The following TLE4 variants were observed in gnomAD, a reference collection of about 807,000 sequenced individuals.
The protein encoded by TLE4 is TLE family member 4, transcriptional corepressor.
TLE4 carries 8 observed loss-of-function variants against 92.8 expected under a neutral mutation model. The observed-to-expected ratio is 0.09, with a 90% CI of 0.05 to 0.16. The LOEUF (loss-of-function observed/expected upper bound fraction) is 0.16, where lower values mean the gene tolerates loss of function less well. Ranked by LOEUF, TLE4 falls within the 10% of genes least tolerant of loss-of-function variation. The pLI is 1.00. For synonymous variants in TLE4, 371 were observed against 374.1 expected, an observed-to-expected ratio of 0.99 and a Z score of 0.10; for missense variants, 675 against 997.6, an observed-to-expected ratio of 0.68 and a Z score of 4.36.
In TLE4 at chr9:79,652,607, C is replaced by T. The variant is rs1419393438; in HGVS notation, c.405C>T (p.Ala135=). 2 of 1,614,124 alleles carry T rather than the reference C, an allele frequency of 1.2e-6. No homozygotes were observed. The highest frequency in any genetic ancestry group is 2.7e-5 in the African/African-American group (2 of 75,032). The change falls in exon 7 of 20, where the codon GCC becomes GCT. Residue 135 remains alanine, a synonymous_variant. Coordinates refer to ENST00000376552, the MANE Select transcript of TLE4 (RefSeq NM_007005.6). ...LNAIIGQQLQ[A]QHLSHGHGLP... is the part of the protein sequence containing the mutation. ...TTTCACAGCAGCAACAACTCCAGGC[C>T]CAGCATTTATCACATGGACATGGTC...
intron 16 of TLE4, among the ~76,000 whole-genome samples, chr9:79,721,493 C>A (rs1189251683): frequency 6.6e-6 from 1 of 152,116 alleles, no homozygotes; most frequent in African/African-American, 2.4e-5. Flanking sequence ...TTAGTAATAT[C>A]AGTCATGTTT....
In TLE4 at chr9:79,725,165, T is replaced by C. The variant is rs1003161793; in HGVS notation, c.*21T>C. 1 of 1,564,708 alleles carries C rather than the reference T, an allele frequency of 6.4e-7. No homozygotes were observed. ...ATTAAAGACAAATCTTCATGCAGAC[T>C]GGACTTCTCCTCCTGGTAGCACTTT... On this transcript the variant is annotated 3_prime_UTR_variant, in exon 20 of 20. Transcript: ENST00000376552.
At chr9:79,595,407 G>A (rs1351724364) in intron 4 of TLE4, among the ~76,000 whole-genome samples, 1 of 152,128 alleles carries the variant, frequency 6.6e-6, no homozygotes, top group Non-Finnish European at 1.5e-5. Flanking sequence ...TCTTCATAGA[G>A]AATGTCTTTA....
chr9:79,577,903 A>G (rs762989377), intron 4 of TLE4, among the ~76,000 whole-genome samples: 1 of 152,128 alleles, frequency 6.6e-6, no homozygotes. Flanking sequence ...CACATTTTAT[A>G]CTGCTATAAT....
At chr9:79,628,216 T>G (rs867780716) in intron 6 of TLE4, among the ~76,000 whole-genome samples, 13 of 152,256 alleles carry the variant, frequency 8.5e-5, no homozygotes, top group South Asian at 2.1e-4. Context: ...GTACAAGCAG[T>G]TCCTTGGGTT....
intron 19 of TLE4, 60 bp downstream of exon 19, chr9:79,723,095 T>C (rs954734583): frequency 1.3e-6 from 2 of 1,494,320 alleles, no homozygotes; most frequent in African/African-American, 2.8e-5. Flanking sequence ...CTGTGCATTC[T>C]CTCAGATTAA....
At chr9:79,639,302 A>G (rs1177516462) in intron 6 of TLE4, among the ~76,000 whole-genome samples, 1 of 152,152 alleles carries the variant, frequency 6.6e-6, no homozygotes, top group African/African-American at 2.4e-5. Flanking sequence ...TTGCAGAGGA[A>G]CTATCTTAAC....
chr9:79,646,567 TAAAG>T (rs2058130332), intron 6 of TLE4, among the ~76,000 whole-genome samples: 1 of 152,194 alleles, frequency 6.6e-6, no homozygotes, highest in Non-Finnish European at 1.5e-5. Context: ...TACTTTTATT[TAAAG>T]AAGATGTTTT....
At chr9:79,642,597 A>G (rs1192678981) in intron 6 of TLE4, among the ~76,000 whole-genome samples, 1 of 152,134 alleles carries the variant, frequency 6.6e-6, no homozygotes, top group African/African-American at 2.4e-5. Context: ...CTTCTGGGAA[A>G]TTGTATTTCC....
At chr9:79,670,690 C>G (rs997391707) in intron 8 of TLE4, among the ~76,000 whole-genome samples, 1 of 152,166 alleles carries the variant, frequency 6.6e-6, no homozygotes, top group African/African-American at 2.4e-5. Flanking sequence ...GAACTCTAGA[C>G]AGCCAGTAGG....
intron 6 of TLE4, among the ~76,000 whole-genome samples, chr9:79,636,406 C>T (rs1206232761): frequency 6.6e-6 from 1 of 152,114 alleles, no homozygotes; most frequent in Non-Finnish European, 1.5e-5. Context: ...CATGAGCTGA[C>T]CCCTCTTTCA....
intron 9 of TLE4, 93 bp downstream of exon 9, chr9:79,704,995 C>T (rs2071113094): frequency 1.3e-6 from 2 of 1,536,306 alleles, no homozygotes; most frequent in East Asian, 2.2e-5. Context: ...AACACAGGAA[C>T]ACAGGATAAC....
intron 6 of TLE4, among the ~76,000 whole-genome samples, chr9:79,641,514 C>G (rs1463989879): frequency 6.6e-6 from 1 of 152,160 alleles, no homozygotes; most frequent in South Asian, 2.1e-4. Context: ...TTCCCCATTG[C>G]TCACTGGATT....
chr9:79,652,194 CT>C (rs1204125262), intron 6 of TLE4, among the ~76,000 whole-genome samples: 14 of 147,908 alleles, frequency 9.5e-5, no homozygotes, highest in African/African-American at 9.9e-5. Flanking sequence ...TTTTCTTTTT[CT>C]TTTTTTTTTG....
chr9:79,696,537 A>T (rs544773411), intron 8 of TLE4, among the ~76,000 whole-genome samples: 4 of 152,270 alleles, frequency 2.6e-5, no homozygotes, highest in African/African-American at 9.6e-5. Flanking sequence ...ACCCTCAGAC[A>T]TTGTATAGAG....
chr9:79,633,674 AC>A (rs2054926751), intron 6 of TLE4, among the ~76,000 whole-genome samples: 1 of 152,104 alleles, frequency 6.6e-6, no homozygotes, highest in African/African-American at 2.4e-5. Flanking sequence ...CCAGAGTGTT[AC>A]CCCATTTTAT....
chr9:79,599,679 A>C (rs1240027818), intron 4 of TLE4, among the ~76,000 whole-genome samples: 1 of 152,260 alleles, frequency 6.6e-6, no homozygotes, highest in Non-Finnish European at 1.5e-5. Flanking sequence ...AACTTTCTTC[A>C]TAGTGTGTGA....
chr9:79,708,448 G>T, intron 12 of TLE4, 145 bp from the exon 13 acceptor site: 2 of 1,089,606 alleles, frequency 1.8e-6, no homozygotes, highest in South Asian at 1.6e-5. Flanking sequence ...AAGTGAATGA[G>T]TGAATTCTGA....
chr9:79,592,123 T>A (rs970886344), intron 4 of TLE4, among the ~76,000 whole-genome samples: 1 of 149,990 alleles, frequency 6.7e-6, no homozygotes, highest in Non-Finnish European at 1.5e-5. Flanking sequence ...TCTTCTTTCT[T>A]CTTTCTTCTT....
Sources: gnomAD v4.1 joint callset for allele counts (sites outside exome capture counted in the v4.1 genomes callset) on GRCh38, gnomAD v4.1.1 for gene constraint, MANE v1.5 for transcripts, NCBI Gene and HGNC (gene_info 2026-07-23, HGNC 2026-07-21) for gene names.